The following EPHA3 variants were observed in gnomAD, a reference collection of about 807,000 sequenced individuals.
EPHA3 encodes ephrin type-A receptor 3.
EPHA3 carries 42 observed loss-of-function variants against 107.1 expected under a neutral mutation model. That is an observed-to-expected ratio of 0.39 (90% CI 0.31 to 0.51). EPHA3 has a LOEUF of 0.51. EPHA3 is among the 20% of genes least tolerant of loss of function. EPHA3 has a pLI of 0.78. For missense variants in EPHA3, 1,183 were observed against 1,211.2 expected (o/e 0.98, Z 0.35); for synonymous variants, 461 against 424.8 (o/e 1.09, Z -1.05).
intron 3 of EPHA3, among the ~76,000 whole-genome samples, chr3:89,213,636 T>C (rs970098873): frequency 6.6e-6 from 1 of 152,020 alleles, no homozygotes; most frequent in African/African-American, 2.4e-5. Context: ...TTTTTTCTTT[T>C]ATGAATTTAT....
intron 2 of EPHA3, among the ~76,000 whole-genome samples, chr3:89,149,178 C>T (rs1449665160): frequency 6.6e-6 from 1 of 151,928 alleles, no homozygotes; most frequent in Admixed American, 6.6e-5. Context: ...TACCTGAAAC[C>T]AGATATGTCT....
At chr3:89,472,359 C>A (rs73139110) in intron 15 of EPHA3, 105 bp from the exon 16 acceptor site, 251,350 of 1,198,232 alleles carry the variant, frequency 0.21, 29,164 homozygotes, top group Non-Finnish European at 0.23. Context: ...GAAAGGAACA[C>A]CATATGAAGT....
At position 89,479,293 on chromosome 3, in the gene EPHA3, C is replaced by T. The variant is rs1428766538; in HGVS notation, c.2847-104C>T. 7.1e-6 allele frequency: 6 copies of T among 850,526 alleles called. No homozygotes were observed. The Admixed American group carries it at 1.3e-4, about 18-fold the overall frequency. 52.7% of individuals were successfully genotyped at this position (850,526 alleles called of 1,614,324 possible). On this transcript the variant is annotated intron_variant, in intron 16 of 16. Coordinates refer to ENST00000336596, the MANE Select transcript of EPHA3 (RefSeq NM_005233.6). Reference sequence around the variant, plus strand: ...TGATGCAAATATCAGACAATTAGGTCCACAGTACTAGAATATAACATCGTG... The same window carrying T: ...TGATGCAAATATCAGACAATTAGGTTCACAGTACTAGAATATAACATCGTG...
At position 89,202,515 on chromosome 3, in the gene EPHA3, CA is replaced by C. The variant is rs375753577; in HGVS notation, c.154-7325del. On this transcript the variant is annotated intron_variant, in intron 2 of 16. Coordinates refer to ENST00000336596, the MANE Select transcript of EPHA3 (RefSeq NM_005233.6). Reference sequence around the variant, plus strand: ...TGGATGACTGAGCGAGACTCTGTCTCAAAAAAAAAAAAAAAAAAAATATATA... The same window carrying C: ...TGGATGACTGAGCGAGACTCTGTCTCAAAAAAAAAAAAAAAAAAATATATA... 8.6e-3 allele frequency among the ~76,000 whole-genome samples: 996 copies of C among 116,474 alleles called. 8 individuals carry two copies. The highest frequency in any genetic ancestry group is 0.062 in the East Asian group (250 of 4,030). The allele number at this position is 116,474 out of a possible 152,430, so 76.4% of individuals were successfully genotyped here.
intron 3 of EPHA3, among the ~76,000 whole-genome samples, chr3:89,230,539 G>A (rs759631952): frequency 4.1e-4 from 63 of 151,982 alleles, no homozygotes; most frequent in Non-Finnish European, 1.9e-4. Flanking sequence ...GAACACTATG[G>A]TAACATGGTT....
chr3:89,470,438 A>G (rs1371918366), intron 15 of EPHA3, among the ~76,000 whole-genome samples: 1 of 152,226 alleles, frequency 6.6e-6, no homozygotes, highest in Non-Finnish European at 1.5e-5. Flanking sequence ...AGTGCTTATT[A>G]TGAGCCAGCA....
chr3:89,128,456 A>G (rs1391846238), intron 2 of EPHA3, among the ~76,000 whole-genome samples: 1 of 152,132 alleles, frequency 6.6e-6, no homozygotes, highest in African/African-American at 2.4e-5. Flanking sequence ...TAAAGAGTGA[A>G]TTGAAACTCA....
chr3:89,161,094 C>T (rs1044645392), intron 2 of EPHA3, among the ~76,000 whole-genome samples: 2 of 152,112 alleles, frequency 1.3e-5, no homozygotes, highest in Non-Finnish European at 2.9e-5. Flanking sequence ...TAAAAATCTC[C>T]ACCAAACTCT....
intron 3 of EPHA3, among the ~76,000 whole-genome samples, chr3:89,253,042 A>C (rs1576266562): frequency 6.6e-6 from 1 of 151,898 alleles, no homozygotes; most frequent in South Asian, 2.1e-4. Context: ...TATTCCGAGC[A>C]ATAGAGAAAG....
chr3:89,345,630 T>A (rs1340762465), intron 5 of EPHA3, among the ~76,000 whole-genome samples: 30 of 145,540 alleles, frequency 2.1e-4, no homozygotes, highest in African/African-American at 7.3e-4. Context: ...TTTTTTTTTT[T>A]TATACTTTAA....
At chr3:89,386,258 A>G (rs1189426272) in intron 5 of EPHA3, among the ~76,000 whole-genome samples, 1 of 152,238 alleles carries the variant, frequency 6.6e-6, no homozygotes, top group Non-Finnish European at 1.5e-5. Context: ...TCTCCAGGGC[A>G]TGTCAGATAT....
intron 5 of EPHA3, among the ~76,000 whole-genome samples, chr3:89,351,969 T>A (rs144772526): frequency 1.3e-5 from 2 of 150,214 alleles, no homozygotes; most frequent in Admixed American, 1.3e-4. Context: ...CCAACACTTA[T>A]TGATAGGACT....
chr3:89,218,803 T>G (rs1704280254), intron 3 of EPHA3, among the ~76,000 whole-genome samples: 3 of 152,166 alleles, frequency 2.0e-5, no homozygotes, highest in Admixed American at 2.0e-4. Flanking sequence ...CCAGTTAGAA[T>G]AGCAATCATT....
chr3:89,300,096 T>C (rs1706447080), intron 3 of EPHA3, among the ~76,000 whole-genome samples: 2 of 152,072 alleles, frequency 1.3e-5, no homozygotes, highest in Admixed American at 1.3e-4. Context: ...ATTTATGTCT[T>C]CGATAATTGG....
At chr3:89,342,140 A>C in intron 5 of EPHA3, 50 bp downstream of exon 5, 1 of 1,498,066 alleles carries the variant, frequency 6.7e-7, no homozygotes, top group Non-Finnish European at 9.0e-7. Context: ...CGTCTGAGTA[A>C]TGGTTTTGAC....
chr3:89,417,639 G>A (rs1709274422), intron 10 of EPHA3, among the ~76,000 whole-genome samples: 1 of 151,180 alleles, frequency 6.6e-6, no homozygotes, highest in Admixed American at 6.6e-5. Flanking sequence ...CTTCGAATTA[G>A]CAAGATCAAT....
intron 5 of EPHA3, among the ~76,000 whole-genome samples, chr3:89,377,453 G>T (rs147434680): frequency 7.9e-5 from 12 of 152,092 alleles, no homozygotes; most frequent in East Asian, 1.9e-4. Flanking sequence ...TATTCCTAAG[G>T]TTAACAAAGA....
rs191428217 is a variant in EPHA3, at chr3:89,217,712, T to C, written c.814+7192T>C. 1.6e-3 allele frequency among the ~76,000 whole-genome samples: 241 copies of C among 152,296 alleles called. 1 individual carries two copies. Among genetic ancestry groups the C allele is most frequent in the African/African-American group, 5.6e-3 (233 of 41,566 alleles). On this transcript the variant is annotated intron_variant, in intron 3 of 16. Coordinates refer to ENST00000336596, the MANE Select transcript of EPHA3 (RefSeq NM_005233.6). Reference sequence around the variant, plus strand: ...TGTAAAATATTTCTGAATTCTCTATTCAATGGTCAGTTGCAATGCCACAAA... The same window carrying C: ...TGTAAAATATTTCTGAATTCTCTATCCAATGGTCAGTTGCAATGCCACAAA...
chr3:89,296,527 C>A (rs1420928124), intron 3 of EPHA3, among the ~76,000 whole-genome samples: 3 of 152,102 alleles, frequency 2.0e-5, no homozygotes. Context: ...TATTAAGTAA[C>A]CCATGCTGTA....
Sources: gnomAD v4.1 joint callset for allele counts (sites outside exome capture counted in the v4.1 genomes callset) on GRCh38, gnomAD v4.1.1 for gene constraint, MANE v1.5 for transcripts, NCBI Gene and HGNC (gene_info 2026-07-23, HGNC 2026-07-21) for gene names.